Variants in NEBL observed in about 807,000 individuals in gnomAD.
The protein encoded by NEBL is nebulette, also known as LIM and SH3 protein 2.
NEBL carries 122 observed loss-of-function variants against 140.2 expected under a neutral mutation model. The ratio of observed to expected loss-of-function variants is 0.87; its 90% CI spans 0.75 to 1.01. The LOEUF is 1.01. NEBL is among the 50% of genes least tolerant of loss of function. The pLI is 0.00. For synonymous variants in NEBL, 436 were observed against 398.9 expected, an observed-to-expected ratio of 1.09 and a Z score of -1.11; for missense variants, 1,365 against 1,231.3, an observed-to-expected ratio of 1.11 and a Z score of -1.62.
intron 3 of NEBL, among the ~76,000 whole-genome samples, chr10:20,991,872 G>A (rs1303583417): frequency 6.7e-6 from 1 of 150,266 alleles, no homozygotes; most frequent in African/African-American, 2.4e-5. Context: ...GCAGTGTTTG[G>A]TTTTCTGTTC....
At chr10:20,817,741 T>C (rs1411261136) in intron 20 of NEBL, 49 bp from the exon 21 acceptor site, 1 of 1,395,978 alleles carries the variant, frequency 7.2e-7, no homozygotes, top group South Asian at 1.2e-5. Flanking sequence ...TGGGCTCCAC[T>C]GAAATACCAC....
intron 2 of NEBL, among the ~76,000 whole-genome samples, chr10:21,067,531 A>C (rs1469779145): frequency 6.6e-6 from 1 of 152,220 alleles, no homozygotes; most frequent in Non-Finnish European, 1.5e-5. Context: ...ATGTATGCCA[A>C]AAAACAAATT....
At chr10:21,202,321 A>T (rs1412476446) in intron 3 of NEBL, among the ~76,000 whole-genome samples, 1 of 152,134 alleles carries the variant, frequency 6.6e-6, no homozygotes, top group Non-Finnish European at 1.5e-5. Context: ...AGATAAAAAA[A>T]GATCTCCTAA....
chr10:21,056,338 T>A (rs1475553343), intron 2 of NEBL, among the ~76,000 whole-genome samples: 2 of 152,194 alleles, frequency 1.3e-5, no homozygotes, highest in East Asian at 3.9e-4. Flanking sequence ...ATTCTTTAAT[T>A]CAACCAAATA....
Position 20,919,162 on chromosome 10 carries a change from C to T in NEBL, c.357+42510G>A, listed in dbSNP as rs147969789. Among the ~76,000 whole-genome samples, 22 of 152,228 alleles carry T rather than the reference C, an allele frequency of 1.4e-4. No individual in the cohort carries two copies. In the East Asian group the frequency reaches 3.9e-3, roughly 27 times the overall value. On this transcript the variant is annotated intron_variant, in intron 4 of 6. Coordinates refer to the NEBL transcript ENST00000417816. ...AAAAATATTTTGTGGCAAGAGAAGG[C>T]ATCTGAGCTATAGTTAAGTCTTTGC...
chr10:21,144,173 T>C (rs915193038), intron 2 of NEBL, among the ~76,000 whole-genome samples: 8 of 152,212 alleles, frequency 5.3e-5, no homozygotes, highest in Non-Finnish European at 1.2e-4. Flanking sequence ...TTTGTCTTTG[T>C]ATCCACCTCC....
chr10:20,850,423 G>C lies in NEBL; in HGVS notation c.1088C>G (p.Ser363Ter). Residue 363 changes from serine to a stop codon, truncating the protein, a stop_gained, in exon 11 of 28, where the codon TCA (serine) becomes TGA (stop). Transcript: ENST00000377122. LOFTEE classifies it high-confidence loss of function. The stretch of plus-strand genomic sequence containing the variant: ...ACTTTGCATCTTTTGAGCCTCCTTT[G>C]AAGCTTGATATGATGGTGTCTCAAC... Reference protein sequence around the residue: ...EFVETPSYQASKEAQKMQSEK... With the variant: ...EFVETPSYQA 6.2e-7 allele frequency: 1 copy of C among 1,610,732 alleles called. No homozygotes were observed. Among genetic ancestry groups the C allele is most frequent in the Non-Finnish European group, 8.5e-7 (1 of 1,177,006 alleles).
At chr10:20,893,404 AGAGGCTGCCTC>A in intron 2 of NEBL, among the ~76,000 whole-genome samples, 1 of 152,360 alleles carries the variant, frequency 6.6e-6, no homozygotes, top group East Asian at 1.9e-4. Flanking sequence ...GAAAAATAAA[AGAGGCTGCCTC>A]AGAAGACCAG....
At chr10:20,944,878 C>T (rs1835079726) in intron 4 of NEBL, among the ~76,000 whole-genome samples, 1 of 152,084 alleles carries the variant, frequency 6.6e-6, no homozygotes, top group South Asian at 2.1e-4. Context: ...CATAATCATA[C>T]CCGGCTCAAC....
At chr10:20,994,140 T>A (rs1194144036) in intron 3 of NEBL, among the ~76,000 whole-genome samples, 1 of 152,236 alleles carries the variant, frequency 6.6e-6, no homozygotes, top group East Asian at 1.9e-4. Context: ...GTCTTTCAGT[T>A]CAGCCAGCTA....
At chr10:21,174,963 A>T (rs1303154464), upstream of NEBL, 1 of 152,194 alleles carries the variant, frequency 6.6e-6, no homozygotes, top group South Asian at 2.1e-4. Context: ...TTGCAATTCA[A>T]CACCGCAAAG....
At chr10:21,043,796 C>A (rs1834375366) in intron 2 of NEBL, among the ~76,000 whole-genome samples, 1 of 150,524 alleles carries the variant, frequency 6.6e-6, no homozygotes, top group African/African-American at 2.5e-5. Flanking sequence ...TATATTTATT[C>A]AACATAGATG....
chr10:20,897,139 T>C lies in NEBL; in HGVS notation c.67A>G (p.Asn23Asp). 1 of 1,604,560 alleles carries C rather than the reference T, an allele frequency of 6.2e-7. No homozygotes were observed. ...TEEEKIGEEENEEDQVFYKPV... is the reference protein window; with the variant it reads ...TEEEKIGEEEDEEDQVFYKPV... ...TTCTCACTCACCTGGTCTTCTTCAT[T>C]TTCTTCTTCCCCTATCTTTTCTTCT... Residue 23 changes from asparagine to aspartate, a missense_variant, in exon 1 of 28, where the codon AAT becomes GAT. Coordinates refer to ENST00000377122, the MANE Select transcript of NEBL (RefSeq NM_006393.3).
At chr10:20,931,696 G>A (rs2131535803) in intron 4 of NEBL, among the ~76,000 whole-genome samples, 1 of 152,264 alleles carries the variant, frequency 6.6e-6, no homozygotes, top group Non-Finnish European at 1.5e-5. Context: ...AGAGCCACCT[G>A]ACATGACATG....
chr10:20,828,375 A>G (rs973839297), intron 17 of NEBL, among the ~76,000 whole-genome samples, 155 bp downstream of exon 17: 4 of 152,168 alleles, frequency 2.6e-5, no homozygotes, highest in African/African-American at 9.6e-5. Context: ...TGTAAAAATT[A>G]TCAGTATTCT....
chr10:21,034,943 CTTATTTATTTATTTATTTAT>C (rs199827432), intron 2 of NEBL, among the ~76,000 whole-genome samples: 58 of 142,320 alleles, frequency 4.1e-4, no homozygotes, highest in African/African-American at 1.2e-3. Context: ...GCTATTTATT[CTTATTTATTTATTTATTTAT>C]TTATTTATTT....
chr10:21,273,978 T>C (rs1217058113), intron 1 of NEBL, among the ~76,000 whole-genome samples: 1 of 152,202 alleles, frequency 6.6e-6, no homozygotes, highest in African/African-American at 2.4e-5. Context: ...CATCTTTCAA[T>C]GTTCATGGCC....
At chr10:21,072,392 G>C (rs2131907428) in intron 2 of NEBL, among the ~76,000 whole-genome samples, 1 of 152,278 alleles carries the variant, frequency 6.6e-6, no homozygotes, top group East Asian at 1.9e-4. Context: ...ACTCCAAAGA[G>C]GGTCACATTC....
intron 4 of NEBL, among the ~76,000 whole-genome samples, chr10:20,954,913 C>T (rs1180004965): frequency 6.6e-6 from 1 of 152,178 alleles, no homozygotes; most frequent in East Asian, 1.9e-4. Flanking sequence ...TGCAAGAGGG[C>T]CTCCCAGGCT....
Sources: allele counts gnomAD v4.1 joint callset (sites outside exome capture counted in the v4.1 genomes callset), GRCh38; gene constraint gnomAD v4.1.1; transcripts MANE v1.5; gene names NCBI Gene and HGNC (gene_info 2026-07-23, HGNC 2026-07-21).